POLR1F: variants seen among roughly 807,000 people sequenced by gnomAD.
POLR1F encodes RNA polymerase I subunit F.
In POLR1F, 23 loss-of-function variants were observed where a neutral mutation model predicts 21.8. The ratio of observed to expected loss-of-function variants is 1.05; its 90% CI spans 0.76 to 1.49. The LOEUF (loss-of-function observed/expected upper bound fraction) is 1.49, where lower values mean the gene tolerates loss of function less well. Ranked by LOEUF, POLR1F falls within the 40% of genes most tolerant of loss-of-function variation. The pLI is 0.00. For missense variants in POLR1F, 435 were observed against 412.1 expected, an observed-to-expected ratio of 1.06 and a Z score of -0.48; for synonymous variants, 162 against 152.8, an observed-to-expected ratio of 1.06 and a Z score of -0.45.
At chr7:19,699,715 A>C (rs1467208228) in intron 3 of POLR1F, among the ~76,000 whole-genome samples, 1 of 152,136 alleles carries the variant, frequency 6.6e-6, no homozygotes, top group African/African-American at 2.4e-5. Flanking sequence ...GTGTAAAAAC[A>C]AAGCAGGCCA....
At position 19,706,395 on chromosome 7, in the gene POLR1F, A is replaced by C. The variant is rs371150551; in HGVS notation, c.255-1475T>G. Among the ~76,000 whole-genome samples, 98 of 152,286 alleles carry C rather than the reference A, an allele frequency of 6.4e-4. 3 individuals carry two copies. The South Asian group carries it at 0.02, about 31-fold the overall frequency. On this transcript the variant is annotated intron_variant, in intron 1 of 3. Coordinates refer to ENST00000222567, the MANE Select transcript of POLR1F (RefSeq NM_001002926.2). ...TCAAGACTTTATTTCCGCTAATCAA[A>C]GCCTTGTCTCTCAAGTATCAGAGTG...
Position 19,701,434 on chromosome 7 carries a change from T to G in POLR1F, c.397-1154A>C, listed in dbSNP as rs939112348. Among the ~76,000 whole-genome samples, 9 of 152,300 alleles carry G rather than the reference T, an allele frequency of 5.9e-5. No homozygotes were observed. The South Asian group carries it at 1.9e-3, about 32-fold the overall frequency. ...AGCACAAGCGGTTTTTAGGAGAGGA[T>G]AACTATTCCGTATCATACTATAATG... On this transcript the variant is annotated intron_variant, in intron 2 of 3. Coordinates refer to ENST00000222567, the MANE Select transcript of POLR1F (RefSeq NM_001002926.2).
intron 3 of POLR1F, among the ~76,000 whole-genome samples, chr7:19,699,373 G>A (rs1271951120): frequency 6.6e-6 from 1 of 152,114 alleles, no homozygotes; most frequent in Non-Finnish European, 1.5e-5. Flanking sequence ...CATAACTTTA[G>A]AAATTCAGTT....
chr7:19,705,726 C>T (rs905220907), intron 1 of POLR1F, among the ~76,000 whole-genome samples: 5 of 152,120 alleles, frequency 3.3e-5, no homozygotes, highest in Non-Finnish European at 7.4e-5. Flanking sequence ...ACTGTTATTT[C>T]TTAGCTTTTA....
At chr7:19,701,513 A>C (rs767056715) in intron 2 of POLR1F, among the ~76,000 whole-genome samples, 1 of 152,220 alleles carries the variant, frequency 6.6e-6, no homozygotes, top group Admixed American at 6.5e-5. Flanking sequence ...TTAAAGGGAA[A>C]TATTAGGGAA....
At chr7:19,702,710 A>G (rs1287903553) in intron 2 of POLR1F, among the ~76,000 whole-genome samples, 3 of 152,230 alleles carry the variant, frequency 2.0e-5, no homozygotes, top group East Asian at 3.8e-4. Context: ...CTATAAGTCA[A>G]TAATAAAAAT....
chr7:19,700,341 G>A, intron 2 of POLR1F, 61 bp from the exon 3 acceptor site: 1 of 1,244,010 alleles, frequency 8.0e-7, no homozygotes. Context: ...GTTAAAAGGT[G>A]AACCAAACTT....
chr7:19,705,600 A>G (rs965680947), intron 1 of POLR1F, among the ~76,000 whole-genome samples: 2 of 152,250 alleles, frequency 1.3e-5, no homozygotes, highest in Non-Finnish European at 2.9e-5. Flanking sequence ...AGAAAATCCC[A>G]AACTTCAACT....
chr7:19,700,315 A>G, intron 2 of POLR1F, 35 bp from the exon 3 acceptor site: 6 of 1,536,048 alleles, frequency 3.9e-6, no homozygotes, highest in Non-Finnish European at 5.4e-6. Context: ...CGTAACATAA[A>G]GAACACATCC....
chr7:19,707,127 C>G (rs1212883705), intron 1 of POLR1F, among the ~76,000 whole-genome samples: 3 of 152,202 alleles, frequency 2.0e-5, no homozygotes, highest in Non-Finnish European at 4.4e-5. Flanking sequence ...CCTCTCTAAT[C>G]ATTTTCTCTT....
chr7:19,701,035 G>A (rs905572910), intron 2 of POLR1F, among the ~76,000 whole-genome samples: 2 of 152,220 alleles, frequency 1.3e-5, no homozygotes, highest in African/African-American at 4.8e-5. Context: ...TTATGAAACT[G>A]CAAATAATGC....
chr7:19,700,931 A>T (rs576649855), intron 2 of POLR1F, among the ~76,000 whole-genome samples: 1 of 152,352 alleles, frequency 6.6e-6, no homozygotes, highest in East Asian at 1.9e-4. Context: ...TTTTAAGATG[A>T]GACTTTGCAT....
intron 1 of POLR1F, 148 bp downstream of exon 1, chr7:19,708,615 G>T: frequency 9.3e-7 from 1 of 1,081,076 alleles, no homozygotes; most frequent in Non-Finnish European, 1.3e-6. Flanking sequence ...TGGCCTTGAG[G>T]GACGGATCGC....
intron 1 of POLR1F, chr7:19,705,429 G>A (rs1783507279): frequency 6.5e-6 from 1 of 153,914 alleles, no homozygotes; most frequent in Admixed American, 6.5e-5. Context: ...AGAAAGAAGG[G>A]ACTTAGCAAA....
intron 1 of POLR1F, among the ~76,000 whole-genome samples, chr7:19,708,381 T>A (rs1319315877): frequency 6.6e-6 from 1 of 152,194 alleles, no homozygotes; most frequent in Non-Finnish European, 1.5e-5. Context: ...ACCAGATTTT[T>A]ATCGTCAAAT....
In POLR1F at chr7:19,696,874, A is replaced by C. The variant is rs1403307824; in HGVS notation, c.*1442T>G. Reference sequence around the variant, plus strand: ...CTGACAGCACATCTCAATTTGGACAAGCTACATTTCCAGGGCTCAATAGTC... The same window carrying C: ...CTGACAGCACATCTCAATTTGGACACGCTACATTTCCAGGGCTCAATAGTC... On this transcript the variant is annotated 3_prime_UTR_variant, in exon 4 of 4. Transcript: ENST00000222567. The C allele has an allele frequency of 6.6e-6, 1 of 152,126 alleles. No individual in the cohort carries two copies. The highest frequency in any genetic ancestry group is 2.4e-5 in the African/African-American group (1 of 41,458). The allele number at this position is 152,126 out of a possible 1,614,324, so 9.4% of individuals were successfully genotyped here. A position where few individuals can be genotyped will look rare whatever the true frequency, so the allele number is the denominator to read the frequency against.
At chr7:19,700,340 T>G in intron 2 of POLR1F, 60 bp from the exon 3 acceptor site, 1 of 1,249,744 alleles carries the variant, frequency 8.0e-7, no homozygotes, top group South Asian at 1.3e-5. Context: ...AGTTAAAAGG[T>G]GAACCAAACT....
rs1783355419 is a variant in POLR1F, at chr7:19,695,825, T to TA, written c.*2490dup. 2 of 152,322 alleles carry TA rather than the reference T, an allele frequency of 1.3e-5. No individual in the cohort carries two copies. Among genetic ancestry groups the TA allele is most frequent in the Admixed American group, 1.3e-4 (2 of 15,294 alleles). The allele number at this position is 152,322 out of a possible 1,614,324, so 9.4% of individuals were successfully genotyped here. On this transcript the variant is annotated 3_prime_UTR_variant, in exon 4 of 4. Coordinates refer to ENST00000222567, the MANE Select transcript of POLR1F (RefSeq NM_001002926.2). ...GGTTCTCCACCTGGAATGCCACAGC[T>TA]AGTTTTTCTTCTCCAAGGGTCAAAA...
chr7:19,708,684 C>G, intron 1 of POLR1F, 79 bp downstream of exon 1: 2 of 1,545,560 alleles, frequency 1.3e-6, no homozygotes, highest in South Asian at 2.5e-5. Context: ...GCCATTTGCC[C>G]CTTTCTGCTG....
Sources: gnomAD v4.1 joint callset for allele counts (sites outside exome capture counted in the v4.1 genomes callset) on GRCh38, gnomAD v4.1.1 for gene constraint, MANE v1.5 for transcripts, NCBI Gene and HGNC (gene_info 2026-07-23, HGNC 2026-07-21) for gene names.